Variants in RPS6KC1 observed in about 807,000 individuals in gnomAD.
RPS6KC1 encodes the protein ribosomal protein S6 kinase C1, also known as inactive ribosomal protein S6 kinase delta-1.
RPS6KC1 carries 54 observed loss-of-function variants against 103.8 expected under a neutral mutation model. The observed-to-expected ratio is 0.52, with a 90% CI of 0.42 to 0.65. The LOEUF (loss-of-function observed/expected upper bound fraction) is 0.65. Ranked by LOEUF, RPS6KC1 falls within the 30% of genes least tolerant of loss-of-function variation. RPS6KC1 has a pLI of 0.00. For missense variants in RPS6KC1, 1,151 were observed against 1,253.8 expected (o/e 0.92, Z 1.24); for synonymous variants, 439 against 438.7 (o/e 1.00, Z -0.01).
chr1:213,173,967 A>G (rs2148264391), intron 7 of RPS6KC1, among the ~76,000 whole-genome samples: 1 of 152,368 alleles, frequency 6.6e-6, no homozygotes, highest in Middle Eastern at 3.4e-3. Context: ...AAGGAGGTAT[A>G]AATAGGAGAT....
the RPS6KC1 span, among the ~76,000 whole-genome samples, chr1:213,610,553 C>G: frequency 2.8e-4 from 43 of 152,298 alleles, no homozygotes; most frequent in East Asian, 7.1e-3. Flanking sequence ...TGACCCCTGG[C>G]CATCTTAGGG....
At chr1:213,427,905 A>C in the RPS6KC1 span, among the ~76,000 whole-genome samples, 1 of 152,250 alleles carries the variant, frequency 6.6e-6, no homozygotes, top group African/African-American at 2.4e-5. Flanking sequence ...GATGCTAAGC[A>C]GTAGGAATCC....
the RPS6KC1 span, among the ~76,000 whole-genome samples, chr1:213,446,617 A>C: frequency 6.6e-6 from 1 of 152,182 alleles, no homozygotes; most frequent in Admixed American, 6.5e-5. Context: ...ACGCCTTCCC[A>C]CCAATACCTA....
chr1:213,372,864 C>G, the RPS6KC1 span, among the ~76,000 whole-genome samples: 3 of 151,890 alleles, frequency 2.0e-5, no homozygotes, highest in Admixed American at 2.0e-4. Context: ...GATAGATATA[C>G]AAATACATAC....
At chr1:213,538,776 T>C in the RPS6KC1 span, among the ~76,000 whole-genome samples, 1 of 151,992 alleles carries the variant, frequency 6.6e-6, no homozygotes, top group African/African-American at 2.4e-5. Flanking sequence ...CTGGGGGAGA[T>C]AGATAGACAT....
the RPS6KC1 span, among the ~76,000 whole-genome samples, chr1:213,765,636 A>C: frequency 6.6e-6 from 1 of 152,026 alleles, no homozygotes; most frequent in Non-Finnish European, 1.5e-5. Flanking sequence ...CAATAGGCAA[A>C]TAAACGTCAG....
At chr1:213,733,544 G>GTTTTTTTTT in the RPS6KC1 span, among the ~76,000 whole-genome samples, 3 of 100,230 alleles carry the variant, frequency 3.0e-5, no homozygotes, top group African/African-American at 1.3e-4. Context: ...GCTATTTTTA[G>GTTTTTTTTT]TTTGTTTTTT....
At chr1:213,160,904 G>A (rs1340497587) in intron 6 of RPS6KC1, among the ~76,000 whole-genome samples, 5 of 151,916 alleles carry the variant, frequency 3.3e-5, no homozygotes, top group Non-Finnish European at 5.9e-5. Context: ...CATAAATGAC[G>A]AATTAATGGG....
At chr1:213,095,875 T>A (rs2081404916) in intron 3 of RPS6KC1, among the ~76,000 whole-genome samples, 1 of 152,250 alleles carries the variant, frequency 6.6e-6, no homozygotes, top group African/African-American at 2.4e-5. Flanking sequence ...GTGCGTCTTG[T>A]CTCCATGTTG....
the RPS6KC1 span, among the ~76,000 whole-genome samples, chr1:213,500,084 C>T: frequency 6.6e-6 from 1 of 152,156 alleles, no homozygotes; most frequent in Admixed American, 6.5e-5. Context: ...ATTACTCTTA[C>T]TGTAACTTTT....
the RPS6KC1 span, among the ~76,000 whole-genome samples, chr1:213,515,501 T>G: frequency 6.6e-6 from 1 of 152,160 alleles, no homozygotes; most frequent in South Asian, 2.1e-4. Context: ...TTTCCCCATT[T>G]CTTGTTTTTG....
At chr1:213,861,985 C>T in the RPS6KC1 span, among the ~76,000 whole-genome samples, 1 of 152,064 alleles carries the variant, frequency 6.6e-6, no homozygotes, top group South Asian at 2.1e-4. Context: ...TCAAGGAGAT[C>T]AAAAGAGGCT....
chr1:213,716,833 C>T, the RPS6KC1 span, among the ~76,000 whole-genome samples: 14 of 152,230 alleles, frequency 9.2e-5, no homozygotes, highest in Middle Eastern at 3.4e-3. Context: ...GCTTATTAAA[C>T]GTCTGGCTAA....
intron 5 of RPS6KC1, among the ~76,000 whole-genome samples, chr1:213,127,282 G>T (rs1179449852): frequency 3.3e-5 from 5 of 152,052 alleles, no homozygotes; most frequent in African/African-American, 1.2e-4. Context: ...GCTGTGCTTG[G>T]GCATGAATCA....
At chr1:213,639,718 T>C in the RPS6KC1 span, among the ~76,000 whole-genome samples, 10 of 152,204 alleles carry the variant, frequency 6.6e-5, no homozygotes, top group South Asian at 1.5e-3. Flanking sequence ...TTTATGAATA[T>C]TGAATCAGCT....
the RPS6KC1 span, among the ~76,000 whole-genome samples, chr1:213,421,404 C>T: frequency 2.5e-4 from 38 of 152,212 alleles, no homozygotes; most frequent in African/African-American, 6.8e-4. Flanking sequence ...TGAGCCACTG[C>T]GCCCGGCCCT....
chr1:213,831,521 C>A, the RPS6KC1 span, among the ~76,000 whole-genome samples: 1 of 152,142 alleles, frequency 6.6e-6, no homozygotes, highest in Non-Finnish European at 1.5e-5. Flanking sequence ...CTTCTAATGT[C>A]TGGAACTATA....
the RPS6KC1 span, among the ~76,000 whole-genome samples, chr1:213,632,783 G>T: frequency 6.6e-6 from 1 of 152,120 alleles, no homozygotes; most frequent in Non-Finnish European, 1.5e-5. Flanking sequence ...CCATCGCAAG[G>T]AATCTAAAAA....
chr1:213,132,135 A>G (rs1043093185), intron 6 of RPS6KC1, among the ~76,000 whole-genome samples: 4 of 152,220 alleles, frequency 2.6e-5, no homozygotes, highest in African/African-American at 9.6e-5. Context: ...ATGGTGGTGA[A>G]TTATTTCTCC....
Sources: allele counts gnomAD v4.1 joint callset (sites outside exome capture counted in the v4.1 genomes callset), GRCh38; gene constraint gnomAD v4.1.1; transcripts MANE v1.5; gene names NCBI Gene and HGNC (gene_info 2026-07-23, HGNC 2026-07-21).